UGT1A9: variants seen among roughly 807,000 people sequenced by gnomAD.
UGT1A9 encodes the protein UDP-glucuronosyltransferase 1A9.
Under a neutral mutation model 45.0 loss-of-function variants are expected in UGT1A9, and 35 were observed. The observed-to-expected ratio is 0.78, with a 90% CI of 0.59 to 1.03. The LOEUF (loss-of-function observed/expected upper bound fraction) is 1.03, where lower values mean the gene tolerates loss of function less well. UGT1A9 is among the 50% of genes least tolerant of loss of function. The probability of loss-of-function intolerance (pLI) is 0.00; values close to 1 mark genes in which losing one functional copy is unlikely to be tolerated. For missense variants in UGT1A9, 687 were observed against 666.6 expected, an observed-to-expected ratio of 1.03 and a Z score of -0.34; for synonymous variants, 278 against 250.6, an observed-to-expected ratio of 1.11 and a Z score of -1.03.
At chr2:233,678,667 T>C (rs1350439244) in intron 1 of UGT1A9, among the ~76,000 whole-genome samples, 1 of 152,222 alleles carries the variant, frequency 6.6e-6, no homozygotes, top group African/African-American at 2.4e-5. Flanking sequence ...TCTATGAGGC[T>C]TGTATTGTGT....
intron 1 of UGT1A9, among the ~76,000 whole-genome samples, chr2:233,709,952 G>A (rs1319460026): frequency 6.6e-6 from 1 of 152,152 alleles, no homozygotes; most frequent in Non-Finnish European, 1.5e-5. Context: ...TCTGTTGCTG[G>A]ATAACAGAAT....
chr2:233,746,374 T>C (rs1378448222), intron 1 of UGT1A9, among the ~76,000 whole-genome samples: 2 of 151,774 alleles, frequency 1.3e-5, no homozygotes, highest in African/African-American at 4.9e-5. Flanking sequence ...AGTCCCTTCA[T>C]TCTGATTTGA....
At chr2:233,748,943 C>G (rs1694067259) in intron 1 of UGT1A9, among the ~76,000 whole-genome samples, 1 of 151,688 alleles carries the variant, frequency 6.6e-6, no homozygotes, top group Admixed American at 6.6e-5. Flanking sequence ...CAAACCCACC[C>G]TATCCCACTC....
At chr2:233,738,804 C>A (rs532221279) in intron 1 of UGT1A9, 1 of 152,292 alleles carries the variant, frequency 6.6e-6, no homozygotes, top group African/African-American at 2.4e-5. Flanking sequence ...GAAATACTAG[C>A]TAAAGAAATT....
At chr2:233,708,902 GTTAGGTA>G (rs1432720061) in intron 1 of UGT1A9, among the ~76,000 whole-genome samples, 1 of 152,038 alleles carries the variant, frequency 6.6e-6, no homozygotes, top group Non-Finnish European at 1.5e-5. Flanking sequence ...GGGCTATCTG[GTTAGGTA>G]TTGCTTGCTA....
chr2:233,754,791 C>T (rs1377566295), intron 1 of UGT1A9: 10 of 1,204,840 alleles, frequency 8.3e-6, no homozygotes, highest in Non-Finnish European at 1.0e-5. Context: ...GGAACGAAAT[C>T]CTGTATCAAA....
rs538578052 is a variant in UGT1A9, at chr2:233,763,857, A to AT, written c.856-3177_856-3176insT. Among the ~76,000 whole-genome samples, 77 of 152,298 alleles carry AT rather than the reference A, an allele frequency of 5.1e-4. 2 individuals carry two copies. In the South Asian group the frequency reaches 0.016, roughly 31 times the overall value. ...AGGGTAAGATAGCAGTGGTTCACAGACAATCGCAATGCTGGGTCTGAGAAA... is the reference window on the plus strand; with the variant it reads ...AGGGTAAGATAGCAGTGGTTCACAGATCAATCGCAATGCTGGGTCTGAGAAA... On this transcript the variant is annotated intron_variant, in intron 1 of 4. Coordinates refer to ENST00000354728, the MANE Select transcript of UGT1A9 (RefSeq NM_021027.3).
chr2:233,746,059 C>T (rs188125843), intron 1 of UGT1A9, among the ~76,000 whole-genome samples: 12 of 151,720 alleles, frequency 7.9e-5, no homozygotes, highest in Admixed American at 2.0e-4. Flanking sequence ...GGGTCTAGAA[C>T]GAAAAGAGAA....
intron 1 of UGT1A9, among the ~76,000 whole-genome samples, chr2:233,739,992 T>C (rs772368489): frequency 2.0e-5 from 3 of 151,936 alleles, no homozygotes; most frequent in Non-Finnish European, 2.9e-5. Context: ...CATGCTGTTC[T>C]TGTCATACTA....
intron 1 of UGT1A9, among the ~76,000 whole-genome samples, chr2:233,676,955 A>G (rs28969708): frequency 6.6e-6 from 1 of 152,258 alleles, no homozygotes; most frequent in African/African-American, 2.4e-5. Context: ...TTTGATTACT[A>G]TAGCTGTGTA....
intron 1 of UGT1A9, among the ~76,000 whole-genome samples, chr2:233,732,241 G>T (rs2078253316): frequency 6.6e-6 from 1 of 152,170 alleles, no homozygotes; most frequent in South Asian, 2.1e-4. Context: ...TCTGTAGGTT[G>T]CCTGTTCACT....
At chr2:233,696,327 T>A (rs1423813795) in intron 1 of UGT1A9, among the ~76,000 whole-genome samples, 1 of 152,236 alleles carries the variant, frequency 6.6e-6, no homozygotes, top group Non-Finnish European at 1.5e-5. Context: ...CATCCTCATT[T>A]CCTTATACAG....
chr2:233,719,465 C>G (rs1204222582), intron 1 of UGT1A9: 1 of 1,613,994 alleles, frequency 6.2e-7, no homozygotes. Context: ...AGAACATGCT[C>G]TACCCTCTGG....
chr2:233,753,588 C>T (rs1263475788), intron 1 of UGT1A9: 2 of 152,166 alleles, frequency 1.3e-5, no homozygotes, highest in African/African-American at 4.8e-5. Flanking sequence ...TGGACTACCC[C>T]AAGGCAATAT....
At position 233,682,490 on chromosome 2, in the gene UGT1A9, G is replaced by A. The variant is rs1392204315; in HGVS notation, c.855+9701G>A. ...TCTTGAAGAAGGTGCACAGTGCCCT[G>A]CTCCTCTTTCCTATGTCCCCAGACT... On this transcript the variant is annotated intron_variant, in intron 1 of 4. Coordinates refer to ENST00000354728, the MANE Select transcript of UGT1A9 (RefSeq NM_021027.3). The A allele has an allele frequency of 5.6e-6, 9 of 1,613,902 alleles. No homozygotes were observed. Among genetic ancestry groups the A allele is most frequent in the South Asian group, 5.5e-5 (5 of 91,064 alleles).
rs759091845 is a variant in UGT1A9, at chr2:233,672,764, G to GCC, written c.831_832dup (p.His278ProfsTer86). ...ATGATCTTCATTGGTGGTATCAACTGCCATCAGGGAAAGCCGTTGCCTATG... is the reference window on the plus strand; with the variant it reads ...ATGATCTTCATTGGTGGTATCAACTGCCCCATCAGGGAAAGCCGTTGCCTATG... On this transcript the variant is annotated frameshift_variant, in exon 1 of 5. Transcript: ENST00000354728. LOFTEE classifies it high-confidence loss of function. 5 of 1,613,770 alleles carry GCC rather than the reference G, an allele frequency of 3.1e-6. No homozygotes were observed. In the South Asian group the frequency reaches 5.5e-5, roughly 18 times the overall value.
chr2:233,677,944 A>G (rs2074404252), intron 1 of UGT1A9, among the ~76,000 whole-genome samples: 1 of 152,244 alleles, frequency 6.6e-6, no homozygotes, highest in Non-Finnish European at 1.5e-5. Context: ...AGTGGCTTAG[A>G]TGAAGAAAAT....
chr2:233,729,797 G>C (rs1376720200), intron 1 of UGT1A9: 2 of 1,613,908 alleles, frequency 1.2e-6, no homozygotes, highest in South Asian at 2.2e-5. Context: ...TCCTACATTT[G>C]CCATGCTTTT....
At chr2:233,747,940 T>C in intron 1 of UGT1A9, 1 of 1,613,178 alleles carries the variant, frequency 6.2e-7, no homozygotes, top group Non-Finnish European at 8.5e-7. Flanking sequence ...CAGAGGGAGG[T>C]GTCAGTGGTG....
Sources: gnomAD v4.1 joint callset for allele counts (sites outside exome capture counted in the v4.1 genomes callset) on GRCh38, gnomAD v4.1.1 for gene constraint, MANE v1.5 for transcripts, NCBI Gene and HGNC (gene_info 2026-07-23, HGNC 2026-07-21) for gene names.